Variants in MIEF1 observed in about 807,000 individuals in gnomAD.
MIEF1 encodes mitochondrial dynamics protein MIEF1.
A neutral mutation model predicts 35.1 loss-of-function variants in MIEF1; 14 were observed. The ratio of observed to expected loss-of-function variants is 0.40; its 90% CI spans 0.26 to 0.62. The LOEUF (loss-of-function observed/expected upper bound fraction) is 0.62. MIEF1 is among the 20% of genes least tolerant of loss of function. MIEF1 has a pLI of 0.43. For missense variants in MIEF1, 542 were observed against 615.4 expected (o/e 0.88, Z 1.26); for synonymous variants, 245 against 254.3 (o/e 0.96, Z 0.35).
chr22:39,514,160 A>G lies in MIEF1; in HGVS notation c.1229A>G (p.Gln410Arg). ...SPDMLADRFLQALRGLISYLE... is the reference protein window; with the variant it reads ...SPDMLADRFLRALRGLISYLE... Reference sequence around the variant, plus strand: ...GATATGCTGGCCGACCGTTTCCTGCAGGCCTTGAGGGGACTTATCAGCTAC... The same window carrying G: ...GATATGCTGGCCGACCGTTTCCTGCGGGCCTTGAGGGGACTTATCAGCTAC... Residue 410 changes from glutamine (Q) to arginine (R), a missense_variant, in exon 6 of 6, where the codon CAG becomes CGG. Gln to Arg is a conservative substitution (Grantham distance 43). Transcript: ENST00000325301. 1 of 1,614,226 alleles carries G rather than the reference A, an allele frequency of 6.2e-7. No homozygotes were observed. Among genetic ancestry groups the G allele is most frequent in the Non-Finnish European group, 8.5e-7 (1 of 1,180,046 alleles).
At position 39,507,715 on chromosome 22, in the gene MIEF1, A is replaced by G. The variant is rs556063071; in HGVS notation, c.-8+3181A>G. ...CCTGTCTCTACTGAAAATACAAAAA[A>G]TTAGCAGGGTGTGGTGGCTCATGCC... On this transcript the variant is annotated intron_variant, in intron 2 of 5. Transcript: ENST00000325301. Among the ~76,000 whole-genome samples, 6 of 151,814 alleles carry G rather than the reference A, an allele frequency of 4.0e-5. No individual in the cohort carries two copies. In the South Asian group the frequency reaches 1.3e-3, roughly 32 times the overall value.
In MIEF1 at chr22:39,513,894, A is replaced by C. The variant is rs1249500850; in HGVS notation, c.963A>C (p.Thr321=). 6.2e-7 allele frequency: 1 copy of C among 1,613,906 alleles called. No homozygotes were observed. Among genetic ancestry groups the C allele is most frequent in the African/African-American group, 1.3e-5 (1 of 74,904 alleles). The change falls in exon 6 of 6, where the codon ACA becomes ACC. Residue 321 remains threonine (T), a synonymous_variant. Coordinates refer to ENST00000325301, the MANE Select transcript of MIEF1 (RefSeq NM_019008.6). ...TGCCATCAGTGACCCTCGGTGACAC[A>C]GTCTTGGTGGCCAAACCACACCGGC... ...DFLPSVTLGD[T]VLVAKPHRLA...
chr22:39,512,076 A>C (rs1930373290), intron 4 of MIEF1, 50 bp downstream of exon 4: 7 of 1,577,964 alleles, frequency 4.4e-6, no homozygotes, highest in Non-Finnish European at 6.0e-6. Flanking sequence ...TTTCAGTACC[A>C]CTCCTGCACT....
At chr22:39,512,116 C>G (rs999399142) in intron 4 of MIEF1, 90 bp downstream of exon 4, 1 of 1,558,598 alleles carries the variant, frequency 6.4e-7, no homozygotes, top group Non-Finnish European at 8.7e-7. Flanking sequence ...ACATCTGTGC[C>G]AGGCACTGTG....
intron 5 of MIEF1, among the ~76,000 whole-genome samples, chr22:39,513,100 A>ATTT (rs1277790294): frequency 1.6e-5 from 2 of 122,254 alleles, no homozygotes; most frequent in Non-Finnish European, 1.8e-5. Flanking sequence ...ACATGAAAGA[A>ATTT]TTTTTTTTTT....
In MIEF1 at chr22:39,517,246, A is replaced by G; in HGVS notation, c.*2923A>G. 1 of 198,664 alleles carries G rather than the reference A, an allele frequency of 5.0e-6. No individual in the cohort carries two copies. The highest frequency in any genetic ancestry group is 1.5e-4 in the East Asian group (1 of 6,766). The allele number at this position is 198,664 out of a possible 1,614,324, so 12.3% of individuals were successfully genotyped here. A position where few individuals can be genotyped will look rare whatever the true frequency, so the allele number is the denominator to read the frequency against. On this transcript the variant is annotated 3_prime_UTR_variant, in exon 6 of 6. Transcript: ENST00000325301. ...CTAACACTTAAAAAATGCACTCATT[A>G]TCTTAAACCTAATAAATTCCAGAGT...
intron 1 of MIEF1, among the ~76,000 whole-genome samples, chr22:39,502,659 C>T (rs962258119): frequency 7.2e-5 from 11 of 152,240 alleles, no homozygotes; most frequent in African/African-American, 2.7e-4. Flanking sequence ...CGAAGCAGGC[C>T]TGCCCTGGCC....
chr22:39,507,440 G>T (rs549579498), intron 2 of MIEF1, among the ~76,000 whole-genome samples: 2,821 of 151,706 alleles, frequency 0.019, 36 homozygotes, highest in African/African-American at 0.033. Flanking sequence ...AGAGACAGAG[G>T]TTCACCGTGT....
At position 39,517,905 on chromosome 22, in the gene MIEF1, T is replaced by C. The variant is rs1432811915; in HGVS notation, c.*3582T>C. 4.3e-6 allele frequency: 1 copy of C among 231,122 alleles called. No individual in the cohort carries two copies. The highest frequency in any genetic ancestry group is 8.8e-6 in the Non-Finnish European group (1 of 113,944). 14.3% of individuals were successfully genotyped at this position (231,122 alleles called of 1,614,324 possible). On this transcript the variant is annotated 3_prime_UTR_variant, in exon 6 of 6. Transcript: ENST00000325301. ...GAGGCCAAGTCCACAACTTGCCTTC[T>C]AGTCACTTGCCTGCCCGCAGTGGTG...
In MIEF1 at chr22:39,514,700, A is replaced by G. The variant is rs1930567841; in HGVS notation, c.*377A>G. 3.7e-6 allele frequency: 1 copy of G among 267,496 alleles called. No homozygotes were observed. The highest frequency in any genetic ancestry group is 7.2e-6 in the Non-Finnish European group (1 of 139,420). 16.6% of individuals were successfully genotyped at this position (267,496 alleles called of 1,614,324 possible). ...CCTGTTCCTATTCAGTGTCTTTTCT[A>G]TTTTTTCCTCTCTCGTTCATGCCTT... On this transcript the variant is annotated 3_prime_UTR_variant, in exon 6 of 6. Coordinates refer to ENST00000325301, the MANE Select transcript of MIEF1 (RefSeq NM_019008.6).
intron 2 of MIEF1, among the ~76,000 whole-genome samples, chr22:39,510,454 G>A (rs1930272154): frequency 6.6e-6 from 1 of 152,082 alleles, no homozygotes; most frequent in Non-Finnish European, 1.5e-5. Context: ...TTTACTTTTG[G>A]AGATGGGGGT....
At chr22:39,511,695 G>A (rs949898265) in intron 3 of MIEF1, among the ~76,000 whole-genome samples, 154 bp from the exon 4 acceptor site, 1 of 152,208 alleles carries the variant, frequency 6.6e-6, no homozygotes, top group Non-Finnish European at 1.5e-5. Context: ...TCTTCCCTGA[G>A]ATTTTCTGCG....
upstream of MIEF1, chr22:39,500,254 A>G: frequency 6.6e-6 from 1 of 152,156 alleles, no homozygotes; most frequent in East Asian, 1.9e-4. Flanking sequence ...CAAAGGCACC[A>G]TGGGTACGTA....
At chr22:39,510,299 A>T (rs1414923787) in intron 2 of MIEF1, among the ~76,000 whole-genome samples, 2 of 151,096 alleles carry the variant, frequency 1.3e-5, no homozygotes, top group African/African-American at 4.9e-5. Context: ...ATGGGGTCTC[A>T]CTCTGTCACT....
Position 39,515,261 on chromosome 22 carries a change from A to T in MIEF1, c.*938A>T. 1 of 717,456 alleles carries T rather than the reference A, an allele frequency of 1.4e-6. No individual in the cohort carries two copies. The highest frequency in any genetic ancestry group is 2.6e-6 in the Non-Finnish European group (1 of 385,090). 44.4% of individuals were successfully genotyped at this position (717,456 alleles called of 1,614,324 possible). On this transcript the variant is annotated 3_prime_UTR_variant, in exon 6 of 6. Coordinates refer to ENST00000325301, the MANE Select transcript of MIEF1 (RefSeq NM_019008.6). ...GCCTTGAAGGAACGCAGCCTTAGAC[A>T]TCAGGTGAGGATGATGGAGGTAGAC... is the stretch of plus-strand genomic sequence containing the variant.
intron 2 of MIEF1, among the ~76,000 whole-genome samples, chr22:39,507,054 C>T (rs1393784928): frequency 6.6e-6 from 1 of 152,150 alleles, no homozygotes; most frequent in African/African-American, 2.4e-5. Flanking sequence ...TAAGCTTATG[C>T]AGCAGAACCT....
Position 39,516,620 on chromosome 22 carries a change from T to A in MIEF1, c.*2297T>A, listed in dbSNP as rs1241174743. On this transcript the variant is annotated 3_prime_UTR_variant, in exon 6 of 6. Coordinates refer to ENST00000325301, the MANE Select transcript of MIEF1 (RefSeq NM_019008.6). The stretch of plus-strand genomic sequence containing the variant: ...CGGGAGGCTGAGGCAGGAGAATAAC[T>A]TAAACCCGGGAGGCGGAGGTTACAG... 6.6e-6 allele frequency: 1 copy of A among 152,204 alleles called. No homozygotes were observed. Among genetic ancestry groups the A allele is most frequent in the African/African-American group, 2.4e-5 (1 of 41,438 alleles). The allele number at this position is 152,204 out of a possible 1,614,324, so 9.4% of individuals were successfully genotyped here. A position where few individuals can be genotyped will look rare whatever the true frequency, so the allele number is the denominator to read the frequency against.
At chr22:39,500,208 T>C (rs1403231351), upstream of MIEF1, 1 of 152,174 alleles carries the variant, frequency 6.6e-6, no homozygotes, top group African/African-American at 2.4e-5. Context: ...GCCCTGAGGT[T>C]TGGGTCAGTG....
In MIEF1 at chr22:39,512,613, G is replaced by C. The variant is rs950689818; in HGVS notation, c.585+119G>C. 14 of 1,293,640 alleles carry C rather than the reference G, an allele frequency of 1.1e-5. No individual in the cohort carries two copies. The African/African-American group carries it at 2.1e-4, about 19-fold the overall frequency. The allele number at this position is 1,293,640 out of a possible 1,614,324, so 80.1% of individuals were successfully genotyped here. A position where few individuals can be genotyped will look rare whatever the true frequency, so the allele number is the denominator to read the frequency against. ...TGAGGTCTTACAGCTTCCGAATCCTGTGTACCTCAGCAGCATTTGGAGATC... is the reference window on the plus strand; with the variant it reads ...TGAGGTCTTACAGCTTCCGAATCCTCTGTACCTCAGCAGCATTTGGAGATC... On this transcript the variant is annotated intron_variant, in intron 5 of 5. Coordinates refer to ENST00000325301, the MANE Select transcript of MIEF1 (RefSeq NM_019008.6).
Sources: allele counts gnomAD v4.1 joint callset (sites outside exome capture counted in the v4.1 genomes callset), GRCh38; gene constraint gnomAD v4.1.1; transcripts MANE v1.5; gene names NCBI Gene and HGNC (gene_info 2026-07-23, HGNC 2026-07-21).